The following ABCA12 variants were observed in gnomAD, a reference collection of about 807,000 sequenced individuals.
The protein encoded by ABCA12 is ATP binding cassette subfamily A member 12, also known as glucosylceramide transporter ABCA12.
A neutral mutation model predicts 293.5 loss-of-function variants in ABCA12; 156 were observed. The observed-to-expected ratio is 0.53, with a 90% CI of 0.47 to 0.61. The LOEUF (loss-of-function observed/expected upper bound fraction) is 0.61. Among genes scored for constraint, ABCA12 ranks in the 20% least tolerant of loss-of-function variants. ABCA12 has a pLI of 0.00. For synonymous variants in ABCA12, 1,063 were observed against 1,108.0 expected (o/e 0.96, Z 0.81); for missense variants, 2,797 against 3,090.2 (o/e 0.91, Z 2.25).
chr2:214,979,074 C>A (rs1456206970), intron 31 of ABCA12, 34 bp from the exon 32 acceptor site: 1 of 1,579,884 alleles, frequency 6.3e-7, no homozygotes, highest in East Asian at 2.2e-5. Flanking sequence ...AAACACTCTC[C>A]TCTCTTTACA....
chr2:214,968,516 T>C (rs1699314149), intron 38 of ABCA12, among the ~76,000 whole-genome samples: 3 of 152,146 alleles, frequency 2.0e-5, no homozygotes. Context: ...CTACTATGTA[T>C]ACACATTTGT....
chr2:215,081,928 T>C (rs1701950391), intron 2 of ABCA12, among the ~76,000 whole-genome samples: 1 of 152,202 alleles, frequency 6.6e-6, no homozygotes, highest in African/African-American at 2.4e-5. Flanking sequence ...TACTAGAGGA[T>C]TGGAATTATT....
intron 33 of ABCA12, 148 bp downstream of exon 33, chr2:214,978,168 T>TA: frequency 1.1e-6 from 1 of 924,084 alleles, no homozygotes; most frequent in South Asian, 1.6e-5. Context: ...TTTTATATCT[T>TA]AAAAAAGGAG....
intron 39 of ABCA12, among the ~76,000 whole-genome samples, chr2:214,966,048 T>C (rs1699250342): frequency 6.6e-6 from 1 of 152,128 alleles, no homozygotes; most frequent in Non-Finnish European, 1.5e-5. Flanking sequence ...TGGAATACTA[T>C]GCAGCCATAA....
At chr2:214,998,704 T>C (rs1482373331) in intron 22 of ABCA12, among the ~76,000 whole-genome samples, 2 of 152,202 alleles carry the variant, frequency 1.3e-5, no homozygotes, top group African/African-American at 4.8e-5. Context: ...GGCCCCAGCC[T>C]CTGATTTATT....
At chr2:214,966,156 G>A (rs995886628) in intron 39 of ABCA12, among the ~76,000 whole-genome samples, 13 of 152,270 alleles carry the variant, frequency 8.5e-5, no homozygotes, top group African/African-American at 2.6e-4. Context: ...AATACTGCAC[G>A]TTCTCACTTA....
At chr2:215,046,749 C>G (rs10168040) in intron 6 of ABCA12, among the ~76,000 whole-genome samples, 21,851 of 151,886 alleles carry the variant, frequency 0.14, 4,754 homozygotes, top group African/African-American at 0.47. Flanking sequence ...TAGATTATTG[C>G]TGTCTCATTT....
intron 5 of ABCA12, 135 bp downstream of exon 5, chr2:215,052,352 A>G (rs1299524253): frequency 2.8e-6 from 2 of 715,006 alleles, no homozygotes; most frequent in African/African-American, 1.8e-5. Flanking sequence ...AGGGTTCCTA[A>G]GAAAAGAAGT....
chr2:215,010,281 T>TA (rs1199090754), intron 18 of ABCA12, 50 bp downstream of exon 18: 6 of 1,608,328 alleles, frequency 3.7e-6, no homozygotes, highest in Non-Finnish European at 5.1e-6. Flanking sequence ...TTGACTACTT[T>TA]AAAAAACATC....
At chr2:214,935,806 A>AT (rs1191302931) in intron 51 of ABCA12, among the ~76,000 whole-genome samples, 2 of 151,794 alleles carry the variant, frequency 1.3e-5, no homozygotes, top group African/African-American at 2.4e-5. Context: ...CTTAAAAAAA[A>AT]TTTTTTTTAA....
chr2:215,021,190 T>C (rs1166379432), intron 11 of ABCA12, among the ~76,000 whole-genome samples: 1 of 152,180 alleles, frequency 6.6e-6, no homozygotes, highest in Non-Finnish European at 1.5e-5. Context: ...AAAGCCTTTC[T>C]TGAACTGCAG....
chr2:214,995,819 C>T (rs1324990939), intron 23 of ABCA12, among the ~76,000 whole-genome samples: 2 of 151,878 alleles, frequency 1.3e-5, no homozygotes, highest in Non-Finnish European at 2.9e-5. Context: ...AAATGTATCC[C>T]AATTTCCAAG....
In ABCA12 at chr2:215,111,650, A is replaced by T; in HGVS notation, c.110T>A (p.Phe37Tyr). Reference sequence around the variant, plus strand: ...GGTCCGAGTAATAGCCAAAATTATGAAAATAATGACTGGCCATAAGATCAA... The same window carrying T: ...GGTCCGAGTAATAGCCAAAATTATGTAAATAATGACTGGCCATAAGATCAA... ...LVLILWPVII[F>Y]IILAITRTKF... The change falls in exon 2 of 53, where the codon TTC becomes TAC. Residue 37 changes from phenylalanine to tyrosine, a missense_variant. Physicochemically the swap from Phe to Tyr is conservative, Grantham distance 22. Around this residue, in one of 3 missense-constraint regions of ABCA12, gnomAD observed 656 missense variants for 638.2 expected, o/e 1.03. Transcript: ENST00000272895. 1.9e-6 allele frequency: 3 copies of T among 1,613,552 alleles called. No homozygotes were observed. Among genetic ancestry groups the T allele is most frequent in the Non-Finnish European group, 2.5e-6 (3 of 1,179,706 alleles).
At chr2:214,959,620 C>G (rs1247162466) in intron 39 of ABCA12, among the ~76,000 whole-genome samples, 1 of 152,086 alleles carries the variant, frequency 6.6e-6, no homozygotes, top group Non-Finnish European at 1.5e-5. Context: ...TTCTAGAGCT[C>G]TACCAGAGTA....
At chr2:215,086,003 G>T (rs746023683) in intron 2 of ABCA12, among the ~76,000 whole-genome samples, 13 of 152,194 alleles carry the variant, frequency 8.5e-5, no homozygotes, top group Non-Finnish European at 1.8e-4. Context: ...TGACAGAGGG[G>T]AAATAAATAA....
chr2:215,014,750 T>C (rs1700452722), intron 15 of ABCA12, among the ~76,000 whole-genome samples: 1 of 152,232 alleles, frequency 6.6e-6, no homozygotes. Context: ...TTTTTATCCC[T>C]GTGGCTATGT....
At chr2:215,134,167 C>T (rs1313690759) in intron 1 of ABCA12, among the ~76,000 whole-genome samples, 1 of 151,562 alleles carries the variant, frequency 6.6e-6, no homozygotes. Context: ...ATGCTATTCT[C>T]ATCCTGTTTC....
chr2:214,937,189 GTTTGTTTTTGTT>G lies in ABCA12; in HGVS notation c.7542+309_7542+320del, dbSNP rs200203396. Among the ~76,000 whole-genome samples the G allele has an allele frequency of 4.6e-5, 7 of 151,770 alleles. No homozygotes were observed. In the South Asian group the frequency reaches 6.3e-4, roughly 14 times the overall value. On this transcript the variant is annotated intron_variant, in intron 51 of 52. Coordinates refer to ENST00000272895, the MANE Select transcript of ABCA12 (RefSeq NM_173076.3). ...TAATCACTTACATTGTTGGTTTTTT[GTTTGTTTTTGTT>G]TTTGTTTTTGTTTTTTAGACAGAGT...
intron 2 of ABCA12, among the ~76,000 whole-genome samples, chr2:215,096,360 A>C (rs958475030): frequency 6.6e-6 from 1 of 152,200 alleles, no homozygotes; most frequent in Non-Finnish European, 1.5e-5. Context: ...TCAAAGGCCC[A>C]GGGGTTTGAT....
Sources: allele counts gnomAD v4.1 joint callset (sites outside exome capture counted in the v4.1 genomes callset), GRCh38; gene constraint gnomAD v4.1.1; regional missense constraint gnomAD v4.1.1; transcripts MANE v1.5; gene names NCBI Gene and HGNC (gene_info 2026-07-23, HGNC 2026-07-21).